The following CHODL variants were observed in gnomAD, a reference collection of about 807,000 sequenced individuals.
CHODL encodes the protein transmembrane protein MT75.
Under a neutral mutation model 34.5 loss-of-function variants are expected in CHODL, and 29 were observed. The observed-to-expected ratio is 0.84, with a 90% confidence interval of 0.63 to 1.15. CHODL has a LOEUF of 1.15. Among genes scored for constraint, CHODL ranks in the 50% most tolerant of loss-of-function variants. CHODL has a pLI of 0.00. For missense variants in CHODL, 332 were observed against 332.5 expected, an observed-to-expected ratio of 1.00 and a Z score of 0.01; for synonymous variants, 125 against 116.1, an observed-to-expected ratio of 1.08 and a Z score of -0.49.
At chr21:18,229,032 T>C (rs1429917135) in intron 2 of CHODL, among the ~76,000 whole-genome samples, 1 of 152,154 alleles carries the variant, frequency 6.6e-6, no homozygotes, top group African/African-American at 2.4e-5. Context: ...AGGTCAATAA[T>C]TTATTTATGA....
chr21:17,922,296 G>A (rs997504986), intron 1 of CHODL, among the ~76,000 whole-genome samples: 1 of 152,062 alleles, frequency 6.6e-6, no homozygotes, highest in Admixed American at 6.5e-5. Context: ...CATGTCTCCT[G>A]TCTCCTGTTG....
At chr21:18,101,714 A>AT (rs71848643) in intron 2 of CHODL, among the ~76,000 whole-genome samples, 3,165 of 144,812 alleles carry the variant, frequency 0.022, 43 homozygotes, top group Middle Eastern at 0.087. Context: ...CATTTACAAC[A>AT]TTTTTTTTTT....
chr21:18,059,051 G>A (rs1471303793), intron 2 of CHODL, among the ~76,000 whole-genome samples: 1 of 152,188 alleles, frequency 6.6e-6, no homozygotes, highest in Non-Finnish European at 1.5e-5. Flanking sequence ...TTATACCCTA[G>A]TGTGGCTATA....
intron 1 of CHODL, among the ~76,000 whole-genome samples, chr21:17,932,969 G>T (rs1468241352): frequency 6.6e-6 from 1 of 152,176 alleles, no homozygotes; most frequent in East Asian, 1.9e-4. Context: ...AAGGTCAGCA[G>T]ATAAACACGT....
At chr21:18,068,419 A>G (rs189270796) in intron 2 of CHODL, among the ~76,000 whole-genome samples, 1 of 151,288 alleles carries the variant, frequency 6.6e-6, no homozygotes, top group African/African-American at 2.4e-5. Context: ...CAGGTCTCAA[A>G]CTCCTGATCT....
At chr21:18,051,036 G>T (rs556879006) in intron 2 of CHODL, among the ~76,000 whole-genome samples, 1 of 151,504 alleles carries the variant, frequency 6.6e-6, no homozygotes, top group East Asian at 2.0e-4. Flanking sequence ...TCATCAACCC[G>T]TCATTTACAT....
intron 1 of CHODL, among the ~76,000 whole-genome samples, chr21:17,948,027 T>C (rs1231804980): frequency 6.6e-6 from 1 of 152,140 alleles, no homozygotes; most frequent in Non-Finnish European, 1.5e-5. Context: ...TGGAAGCCAT[T>C]ATTTACGTGC....
intron 2 of CHODL, among the ~76,000 whole-genome samples, chr21:18,232,597 A>C (rs1306216395): frequency 6.6e-6 from 1 of 152,078 alleles, no homozygotes; most frequent in African/African-American, 2.4e-5. Flanking sequence ...ATTTGGTTTC[A>C]ACATGTAAGT....
intron 1 of CHODL, among the ~76,000 whole-genome samples, chr21:17,943,777 C>A (rs1348908004): frequency 6.6e-6 from 1 of 152,184 alleles, no homozygotes; most frequent in Non-Finnish European, 1.5e-5. Flanking sequence ...TTCCTGGACT[C>A]AGTTTCTACA....
At chr21:17,927,160 G>GTATATATGTGTATATATGTA (rs2063234654) in intron 1 of CHODL, among the ~76,000 whole-genome samples, 5 of 67,946 alleles carry the variant, frequency 7.4e-5, no homozygotes, top group African/African-American at 1.5e-4. Flanking sequence ...GTATATATAT[G>GTATATATGTGTATATATGTA]TATATATGTA....
chr21:17,967,384 AAC>A (rs2063580755), intron 1 of CHODL, among the ~76,000 whole-genome samples: 1 of 152,166 alleles, frequency 6.6e-6, no homozygotes, highest in African/African-American at 2.4e-5. Flanking sequence ...TTTACTTAAA[AAC>A]ACATTCTTTT....
chr21:18,129,890 CTCTGTGTGTGTG>C (rs1170470959), intron 2 of CHODL, among the ~76,000 whole-genome samples: 25 of 113,464 alleles, frequency 2.2e-4, no homozygotes, highest in Admixed American at 3.6e-4. Flanking sequence ...CTCTGTCTTT[CTCTGTGTGTGTG>C]TGTGTGTGTG....
chr21:18,215,046 TTAAA>T (rs1418763304), intron 2 of CHODL, among the ~76,000 whole-genome samples: 7 of 151,908 alleles, frequency 4.6e-5, no homozygotes, highest in African/African-American at 1.7e-4. Context: ...CTAAGAAAAA[TTAAA>T]TAAATAATTT....
intron 1 of CHODL, among the ~76,000 whole-genome samples, chr21:17,956,493 A>T (rs1168807230): frequency 7.3e-6 from 1 of 136,758 alleles, no homozygotes; most frequent in African/African-American, 2.5e-5. Flanking sequence ...CTAAGATACC[A>T]TCCTTCCAAT....
intron 2 of CHODL, among the ~76,000 whole-genome samples, chr21:18,081,459 T>C (rs2064940523): frequency 6.6e-6 from 1 of 152,050 alleles, no homozygotes; most frequent in African/African-American, 2.4e-5. Flanking sequence ...GATGGGTGGA[T>C]CACCTGAGGT....
chr21:18,172,398 C>G (rs2073242857), intron 2 of CHODL, among the ~76,000 whole-genome samples: 1 of 152,184 alleles, frequency 6.6e-6, no homozygotes, highest in Admixed American at 6.5e-5. Flanking sequence ...GGGTTTAAAA[C>G]AGTTCTAAAC....
chr21:17,947,983 G>A (rs1046863696), intron 1 of CHODL, among the ~76,000 whole-genome samples: 2 of 152,114 alleles, frequency 1.3e-5, no homozygotes. Context: ...AACAAACAAT[G>A]AAAATGTGTC....
At chr21:18,231,249 C>T (rs1040672054) in intron 2 of CHODL, among the ~76,000 whole-genome samples, 1 of 152,162 alleles carries the variant, frequency 6.6e-6, no homozygotes, top group African/African-American at 2.4e-5. Context: ...TCCCTGCCAG[C>T]CCACTAAAAT....
At chr21:18,080,404 C>T (rs2064928215) in intron 2 of CHODL, among the ~76,000 whole-genome samples, 1 of 151,980 alleles carries the variant, frequency 6.6e-6, no homozygotes, top group Non-Finnish European at 1.5e-5. Flanking sequence ...AATATTTTGC[C>T]AAGGCCAATG....
Sources: allele counts gnomAD v4.1 joint callset (sites outside exome capture counted in the v4.1 genomes callset), GRCh38; gene constraint gnomAD v4.1.1; transcripts MANE v1.5; gene names NCBI Gene and HGNC (gene_info 2026-07-23, HGNC 2026-07-21).